Variants in SCN9A observed in about 807,000 individuals in gnomAD.
The protein encoded by SCN9A is sodium voltage-gated channel alpha subunit 9.
SCN9A carries 131 observed loss-of-function variants against 187.0 expected under a neutral mutation model. The observed-to-expected ratio is 0.70, with a 90% CI of 0.61 to 0.81. SCN9A has a LOEUF of 0.81. Among genes scored for constraint, SCN9A ranks in the 30% least tolerant of loss-of-function variants. The pLI is 0.00. For missense variants in SCN9A, 2,252 were observed against 2,396.6 expected (o/e 0.94, Z 1.26); for synonymous variants, 809 against 808.6 (o/e 1.00, Z -0.01).
rs189559015 is a variant in SCN9A, at chr2:166,275,785, G to A, written c.2874+1198C>T. 2.3e-3 allele frequency among the ~76,000 whole-genome samples: 351 copies of A among 152,214 alleles called. 2 individuals carry two copies. Among genetic ancestry groups the A allele is most frequent in the African/African-American group, 8.1e-3 (335 of 41,528 alleles). On this transcript the variant is annotated intron_variant, in intron 16 of 26. Transcript: ENST00000642356. ...TGGTAATCCAGGATGTATATTTTTT[G>A]TGCAGTAAAAATCTAGAATTTGTGC...
chr2:166,242,225 C>T (rs1695596629), intron 19 of SCN9A, among the ~76,000 whole-genome samples: 1 of 152,076 alleles, frequency 6.6e-6, no homozygotes, highest in Non-Finnish European at 1.5e-5. Context: ...AGACTCTCTC[C>T]CTGTTTTGCA....
At chr2:166,249,119 C>T (rs776750245) in intron 18 of SCN9A, among the ~76,000 whole-genome samples, 5 of 152,180 alleles carry the variant, frequency 3.3e-5, no homozygotes, top group South Asian at 2.1e-4. Context: ...TATATTTGCA[C>T]GGCCCCCTTC....
chr2:166,257,881 C>T (rs1407692398), intron 17 of SCN9A, among the ~76,000 whole-genome samples: 1 of 151,464 alleles, frequency 6.6e-6, no homozygotes, highest in Non-Finnish European at 1.5e-5. Flanking sequence ...AATATTGCCT[C>T]TAAATCCCCA....
In SCN9A at chr2:166,199,758, T is replaced by A; in HGVS notation, c.4881A>T (p.Ala1627=). ...IGRILRLVKG[A]KGIRTLLFAL... The stretch of plus-strand genomic sequence containing the variant: ...CAAAGAGCAGCGTGCGGATCCCCTT[T>A]GCTCCTTTGACTAGACGTAGGATTC... The change falls in exon 27 of 27, where the codon GCA becomes GCT. Residue 1627 remains alanine, a synonymous_variant. Transcript: ENST00000642356. 8.7e-6 allele frequency: 14 copies of A among 1,614,096 alleles called. No individual in the cohort carries two copies. Among genetic ancestry groups the A allele is most frequent in the Non-Finnish European group, 1.2e-5 (14 of 1,180,024 alleles).
intron 17 of SCN9A, among the ~76,000 whole-genome samples, chr2:166,256,746 TCA>T (rs1334485915): frequency 1.3e-5 from 2 of 151,554 alleles, no homozygotes; most frequent in Admixed American, 6.6e-5. Context: ...CACAGTTCCA[TCA>T]CAAGGTCAAC....
chr2:166,224,596 T>C (rs1206915799), intron 24 of SCN9A, among the ~76,000 whole-genome samples: 1 of 152,176 alleles, frequency 6.6e-6, no homozygotes, highest in Non-Finnish European at 1.5e-5. Flanking sequence ...CCTTTATCTC[T>C]TGCAAATCAC....
chr2:166,367,859 T>C (rs1032639632), intron 1 of SCN9A, among the ~76,000 whole-genome samples: 1 of 152,318 alleles, frequency 6.6e-6, no homozygotes, highest in Admixed American at 6.5e-5. Context: ...AATATACCCC[T>C]CAGGAATTGG....
At chr2:166,238,336 G>A (rs1175485158) in intron 19 of SCN9A, 69 bp from the exon 20 acceptor site, 1 of 1,030,156 alleles carries the variant, frequency 9.7e-7, no homozygotes, top group Admixed American at 2.9e-5. Context: ...AAAAAAACAG[G>A]AAAAATACAA....
intron 23 of SCN9A, 23 bp downstream of exon 23, chr2:166,227,647 G>C: frequency 7.4e-7 from 1 of 1,357,158 alleles, no homozygotes; most frequent in Non-Finnish European, 1.0e-6. Context: ...ATAAAGTTTA[G>C]TGCTAAGATA....
chr2:166,328,375 C>CA (rs942745142), intron 1 of SCN9A, among the ~76,000 whole-genome samples: 7 of 152,006 alleles, frequency 4.6e-5, no homozygotes, highest in African/African-American at 1.7e-4. Flanking sequence ...ACCTAGTACT[C>CA]ATTGGTTATT....
chr2:166,314,350 G>GT lies in SCN9A; in HGVS notation c.-50-2545dup, dbSNP rs1395608198. On this transcript the variant is annotated intron_variant, in intron 1 of 26. Transcript: ENST00000642356. ...GATGGAAACCAAAGTTAGGATAAAGGTTTTTAAAGAATGTAGTGAAAAATA... is the reference window on the plus strand; with the variant it reads ...GATGGAAACCAAAGTTAGGATAAAGGTTTTTTAAAGAATGTAGTGAAAAATA... Among the ~76,000 whole-genome samples, 5 of 152,202 alleles carry GT rather than the reference G, an allele frequency of 3.3e-5. No individual in the cohort carries two copies. In the South Asian group the frequency reaches 1.0e-3, roughly 32 times the overall value.
chr2:166,355,189 T>C (rs1353148096), intron 1 of SCN9A, among the ~76,000 whole-genome samples: 2 of 152,062 alleles, frequency 1.3e-5, no homozygotes, highest in Non-Finnish European at 2.9e-5. Flanking sequence ...CTGCAACCTC[T>C]GCCTCTTGGC....
At position 166,271,735 on chromosome 2, in the gene SCN9A, G is replaced by A. The variant is rs73021690; in HGVS notation, c.3351+664C>T. Among the ~76,000 whole-genome samples the A allele has an allele frequency of 6.1e-3, 933 of 152,078 alleles. 4 individuals are homozygous for A. The highest frequency in any genetic ancestry group is 0.022 in the African/African-American group (897 of 41,494). ...TAGCTGGGTGTTGTGGCATGGGTGTGTAGTCCCAGCAACTCAGGAGGTGGA... is the reference window on the plus strand; with the variant it reads ...TAGCTGGGTGTTGTGGCATGGGTGTATAGTCCCAGCAACTCAGGAGGTGGA... On this transcript the variant is annotated intron_variant, in intron 17 of 26. Coordinates refer to ENST00000642356, the MANE Select transcript of SCN9A (RefSeq NM_001365536.1).
chr2:166,221,495 G>C (rs1398716729), intron 24 of SCN9A, among the ~76,000 whole-genome samples: 1 of 152,078 alleles, frequency 6.6e-6, no homozygotes, highest in East Asian at 1.9e-4. Context: ...CATACTCTTG[G>C]GCTTCAGTGA....
chr2:166,266,295 G>T (rs1310371861), intron 17 of SCN9A, among the ~76,000 whole-genome samples: 5 of 151,702 alleles, frequency 3.3e-5, no homozygotes, highest in Non-Finnish European at 7.4e-5. Flanking sequence ...TATTCAGTTT[G>T]CCCAGAACCA....
At chr2:166,285,646 T>C (rs941801420) in intron 11 of SCN9A, among the ~76,000 whole-genome samples, 1 of 152,176 alleles carries the variant, frequency 6.6e-6, no homozygotes, top group African/African-American at 2.4e-5. Flanking sequence ...GAGAATCTTG[T>C]AGATTTTTAA....
chr2:166,297,226 A>AAAAAAC (rs1698354384), intron 7 of SCN9A, among the ~76,000 whole-genome samples: 1 of 143,088 alleles, frequency 7.0e-6, no homozygotes, highest in African/African-American at 2.6e-5. Context: ...AAAAAAAAAA[A>AAAAAAC]AGAACCATGA....
At chr2:166,347,532 T>G (rs1699930365) in intron 1 of SCN9A, among the ~76,000 whole-genome samples, 1 of 152,146 alleles carries the variant, frequency 6.6e-6, no homozygotes, top group Admixed American at 6.5e-5. Flanking sequence ...AGTAAAGAGC[T>G]ATTTAAGTGG....
intron 1 of SCN9A, among the ~76,000 whole-genome samples, chr2:166,327,145 A>G (rs188023656): frequency 5.5e-4 from 83 of 152,286 alleles, no homozygotes; most frequent in Non-Finnish European, 2.9e-5. Context: ...ATGAGTTTAA[A>G]TTTTTGAAAG....
Sources: allele counts gnomAD v4.1 joint callset (sites outside exome capture counted in the v4.1 genomes callset), GRCh38; gene constraint gnomAD v4.1.1; transcripts MANE v1.5; gene names NCBI Gene and HGNC (gene_info 2026-07-23, HGNC 2026-07-21).